The following PDZD8 variants were observed in gnomAD, a reference collection of about 807,000 sequenced individuals.
The protein encoded by PDZD8 is PDZ domain-containing protein 8.
PDZD8 carries 14 observed loss-of-function variants against 85.8 expected under a neutral mutation model. That is an observed-to-expected ratio of 0.16 (90% CI 0.11 to 0.26). PDZD8 has a LOEUF of 0.26. Among genes scored for constraint, PDZD8 ranks in the 10% least tolerant of loss-of-function variants. PDZD8 has a pLI of 1.00. For missense variants in PDZD8, 1,197 were observed against 1,424.3 expected, an observed-to-expected ratio of 0.84 and a Z score of 2.57; for synonymous variants, 592 against 568.6, an observed-to-expected ratio of 1.04 and a Z score of -0.59.
rs1844619403 is a variant in PDZD8 at position 117,284,339 on chromosome 10, T to C, written c.2394A>G (p.Glu798=). Residue 798 remains glutamate (E), a synonymous_variant, in exon 5 of 5, where the codon GAA becomes GAG. Transcript: ENST00000334464. ...DITIHFKYLK[E]GESDHHVVTN... is the part of the protein sequence containing the mutation. The stretch of plus-strand genomic sequence containing the variant: ...TAACTACATGGTGGTCTGATTCTCC[T>C]TCTTTCAAATATTTGAAGTGAATAG... 6.8e-6 allele frequency: 11 copies of C among 1,614,206 alleles called. No individual in the cohort carries two copies. The highest frequency in any genetic ancestry group is 8.5e-6 in the Non-Finnish European group (10 of 1,180,026).
chr10:117,317,181 A>G (rs1844144003), intron 3 of PDZD8, among the ~76,000 whole-genome samples: 1 of 152,188 alleles, frequency 6.6e-6, no homozygotes, highest in African/African-American at 2.4e-5. Context: ...ACTTGACTGA[A>G]CAAATTTCAA....
chr10:117,292,217 T>C (rs1844779478), intron 3 of PDZD8, among the ~76,000 whole-genome samples: 1 of 152,200 alleles, frequency 6.6e-6, no homozygotes, highest in Non-Finnish European at 1.5e-5. Context: ...AGAAATGGGA[T>C]ATGTGGTCAA....
chr10:117,355,451 G>A (rs928868341), intron 1 of PDZD8, among the ~76,000 whole-genome samples: 1 of 152,100 alleles, frequency 6.6e-6, no homozygotes, highest in Non-Finnish European at 1.5e-5. Flanking sequence ...ACTAAATTGT[G>A]AGTTGCTTGA....
At chr10:117,300,567 A>G (rs1843829097) in intron 3 of PDZD8, among the ~76,000 whole-genome samples, 1 of 152,274 alleles carries the variant, frequency 6.6e-6, no homozygotes, top group East Asian at 1.9e-4. Context: ...TGGTTGAAGG[A>G]ACCAAAACTC....
intron 2 of PDZD8, among the ~76,000 whole-genome samples, chr10:117,320,321 C>G (rs1844208114): frequency 6.6e-6 from 1 of 152,018 alleles, no homozygotes; most frequent in Non-Finnish European, 1.5e-5. Context: ...CAAAACTGCA[C>G]CAGCTAGTGT....
At chr10:117,350,846 G>C (rs74932912) in intron 1 of PDZD8, among the ~76,000 whole-genome samples, 1 of 148,626 alleles carries the variant, frequency 6.7e-6, no homozygotes, top group East Asian at 2.0e-4. Flanking sequence ...AGAGCTTGCA[G>C]TAAGCAGAGA....
chr10:117,295,207 G>C (rs1381551061), intron 3 of PDZD8, among the ~76,000 whole-genome samples: 1 of 151,956 alleles, frequency 6.6e-6, no homozygotes, highest in East Asian at 1.9e-4. Flanking sequence ...TGAACTCAGT[G>C]GTAGACCATA....
intron 2 of PDZD8, among the ~76,000 whole-genome samples, chr10:117,319,904 C>A (rs1040868367): frequency 6.6e-6 from 1 of 151,944 alleles, no homozygotes; most frequent in Non-Finnish European, 1.5e-5. Context: ...CTATGAAGAT[C>A]ATGAGGTAGT....
intron 2 of PDZD8, among the ~76,000 whole-genome samples, chr10:117,328,620 G>C (rs770551034): frequency 2.0e-5 from 3 of 151,876 alleles, no homozygotes; most frequent in Non-Finnish European, 4.4e-5. Flanking sequence ...GTCTCACTAT[G>C]TTGCCTCAAA....
chr10:117,345,851 G>A (rs1490369638), intron 1 of PDZD8, among the ~76,000 whole-genome samples: 1 of 152,054 alleles, frequency 6.6e-6, no homozygotes, highest in Non-Finnish European at 1.5e-5. Flanking sequence ...GCTGTAAAAC[G>A]TTTCTTATCA....
intron 4 of PDZD8, among the ~76,000 whole-genome samples, chr10:117,286,997 C>T (rs1298604857): frequency 6.6e-6 from 1 of 152,136 alleles, no homozygotes; most frequent in African/African-American, 2.4e-5. Flanking sequence ...AAAGTCTACT[C>T]TCCCTACTCT....
Position 117,360,599 on chromosome 10 carries a change from A to G in PDZD8, c.872+13757T>C, listed in dbSNP as rs548064291. ...AGTATAATAAACATTATTTGACAAA[A>G]GAGAAAGCTAAAGCAGCTTGTCTGT... On this transcript the variant is annotated intron_variant, in intron 1 of 4. Transcript: ENST00000334464. Among the ~76,000 whole-genome samples, 3 of 152,230 alleles carry G rather than the reference A, an allele frequency of 2.0e-5. No individual in the cohort carries two copies. The South Asian group carries it at 6.2e-4, about 32-fold the overall frequency.
At chr10:117,346,328 C>CT (rs1844708781) in intron 1 of PDZD8, among the ~76,000 whole-genome samples, 1 of 149,402 alleles carries the variant, frequency 6.7e-6, no homozygotes, top group Non-Finnish European at 1.5e-5. Context: ...AAAAAAGAAA[C>CT]TATGAACCAA....
chr10:117,300,491 G>T (rs1291192512), intron 3 of PDZD8, among the ~76,000 whole-genome samples: 1 of 152,098 alleles, frequency 6.6e-6, no homozygotes, highest in African/African-American at 2.4e-5. Context: ...AAACATTTCT[G>T]TCACAAAGCC....
intron 1 of PDZD8, among the ~76,000 whole-genome samples, chr10:117,358,146 A>T (rs1844933032): frequency 6.6e-6 from 1 of 152,240 alleles, no homozygotes; most frequent in South Asian, 2.1e-4. Flanking sequence ...CTGTTTCTTA[A>T]ACTGTACACT....
In PDZD8 at chr10:117,306,668, T is replaced by A. The variant is rs535453944; in HGVS notation, c.1098+12204A>T. 5.6e-3 allele frequency among the ~76,000 whole-genome samples: 815 copies of A among 144,910 alleles called. 4 individuals are homozygous for A. The highest frequency in any genetic ancestry group is 9.3e-3 in the Non-Finnish European group (610 of 65,586). On this transcript the variant is annotated intron_variant, in intron 3 of 4. Coordinates refer to ENST00000334464, the MANE Select transcript of PDZD8 (RefSeq NM_173791.5). ...TACAGATAGGTTTTGTTTTTTTTTT[T>A]ATAAATAAGGTTTTTTTTTAAAAAA...
At chr10:117,340,150 C>T (rs889064399) in intron 2 of PDZD8, among the ~76,000 whole-genome samples, 42 of 152,266 alleles carry the variant, frequency 2.8e-4, no homozygotes, top group Middle Eastern at 3.4e-3. Flanking sequence ...AGTTCTAAAA[C>T]GCTAAAAATC....
At chr10:117,366,501 A>C (rs549761058) in intron 1 of PDZD8, among the ~76,000 whole-genome samples, 1 of 152,008 alleles carries the variant, frequency 6.6e-6, no homozygotes, top group African/African-American at 2.4e-5. Flanking sequence ...GGATCAGTGA[A>C]TCTTTTCTGT....
At chr10:117,329,967 GGGAAGGAAGGAAGGAAGGAA>G (rs1202100897) in intron 2 of PDZD8, among the ~76,000 whole-genome samples, 1 of 57,116 alleles carries the variant, frequency 1.8e-5, no homozygotes, top group Non-Finnish European at 3.4e-5. Flanking sequence ...GAGGGAGGAA[GGGAAGGAAGGAAGGAAGGAA>G]GGAAGGAAGG....
Sources: gnomAD v4.1 joint callset for allele counts (sites outside exome capture counted in the v4.1 genomes callset) on GRCh38, gnomAD v4.1.1 for gene constraint, MANE v1.5 for transcripts, NCBI Gene and HGNC (gene_info 2026-07-23, HGNC 2026-07-21) for gene names.